Variants in GRM7 observed in about 807,000 individuals in gnomAD.
GRM7 encodes metabotropic glutamate receptor 7.
Under a neutral mutation model 84.5 loss-of-function variants are expected in GRM7, and 35 were observed. The ratio of observed to expected loss-of-function variants is 0.41; its 90% CI spans 0.32 to 0.55. The LOEUF (loss-of-function observed/expected upper bound fraction) is 0.55. Among genes scored for constraint, GRM7 ranks in the 20% least tolerant of loss-of-function variants. The pLI is 0.19. For missense variants in GRM7, 1,003 were observed against 1,194.6 expected (o/e 0.84, Z 2.36); for synonymous variants, 487 against 455.1 (o/e 1.07, Z -0.89).
intron 9 of GRM7, among the ~76,000 whole-genome samples, chr3:7,705,001 A>G (rs1256385388): frequency 6.6e-6 from 1 of 152,178 alleles, no homozygotes; most frequent in Non-Finnish European, 1.5e-5. Context: ...TCAAGACTCC[A>G]GACAAGGCTT....
At chr3:7,019,908 A>G (rs891026465) in intron 1 of GRM7, among the ~76,000 whole-genome samples, 3 of 152,368 alleles carry the variant, frequency 2.0e-5, no homozygotes, top group African/African-American at 7.2e-5. Flanking sequence ...AGGTGGTACA[A>G]TTACTAAAAA....
intron 2 of GRM7, among the ~76,000 whole-genome samples, chr3:7,182,816 T>A (rs953292022): frequency 6.6e-6 from 1 of 151,986 alleles, no homozygotes; most frequent in African/African-American, 2.4e-5. Context: ...AAATAGACTA[T>A]CTCATGAATT....
intron 8 of GRM7, among the ~76,000 whole-genome samples, chr3:7,667,405 C>A (rs554821795): frequency 6.6e-6 from 1 of 152,136 alleles, no homozygotes; most frequent in Non-Finnish European, 1.5e-5. Flanking sequence ...TCTGAGTACA[C>A]TATGTAGGAG....
chr3:7,097,293 G>A (rs1006645334), intron 1 of GRM7, among the ~76,000 whole-genome samples: 2 of 152,072 alleles, frequency 1.3e-5, no homozygotes, highest in African/African-American at 4.8e-5. Flanking sequence ...ACCAGAAAAT[G>A]GCTAGTGCTG....
intron 8 of GRM7, among the ~76,000 whole-genome samples, chr3:7,622,598 G>A (rs1035611800): frequency 6.6e-6 from 1 of 152,050 alleles, no homozygotes; most frequent in African/African-American, 2.4e-5. Flanking sequence ...CGGTGGAATT[G>A]ACATATTTTC....
intron 1 of GRM7, among the ~76,000 whole-genome samples, chr3:6,868,737 G>C (rs1695019349): frequency 6.6e-6 from 1 of 152,168 alleles, no homozygotes; most frequent in Non-Finnish European, 1.5e-5. Context: ...AAGTCAAGTT[G>C]ATAGAGCACA....
intron 7 of GRM7, among the ~76,000 whole-genome samples, chr3:7,529,026 G>A (rs546142243): frequency 5.1e-4 from 77 of 151,526 alleles, no homozygotes; most frequent in African/African-American, 1.8e-3. Flanking sequence ...TATCTATTAG[G>A]TCTAATTAGT....
chr3:7,199,609 T>C (rs1353031155), intron 2 of GRM7, among the ~76,000 whole-genome samples: 5 of 152,216 alleles, frequency 3.3e-5, no homozygotes, highest in Non-Finnish European at 7.3e-5. Flanking sequence ...TGGAGACATT[T>C]TAAATTGTCA....
chr3:7,130,414 G>A (rs941400342), intron 1 of GRM7, among the ~76,000 whole-genome samples: 3 of 151,936 alleles, frequency 2.0e-5, no homozygotes, highest in Non-Finnish European at 4.4e-5. Context: ...GTGGTGGCAG[G>A]CACCTGTAAT....
chr3:7,116,577 C>T (rs1220192729), intron 1 of GRM7, among the ~76,000 whole-genome samples: 1 of 152,022 alleles, frequency 6.6e-6, no homozygotes, highest in African/African-American at 2.4e-5. Context: ...AAGAAAAAAC[C>T]CATATGATTA....
chr3:6,910,030 A>G (rs1024492954), intron 1 of GRM7, among the ~76,000 whole-genome samples: 1 of 152,134 alleles, frequency 6.6e-6, no homozygotes, highest in Non-Finnish European at 1.5e-5. Flanking sequence ...TTTTATCTAT[A>G]TAAGATACAT....
chr3:7,465,753 G>T (rs1450091), intron 7 of GRM7, among the ~76,000 whole-genome samples: 1 of 151,770 alleles, frequency 6.6e-6, no homozygotes, highest in African/African-American at 2.4e-5. Context: ...TTTCGAGGGC[G>T]GCTTTCTCTG....
At chr3:6,989,559 C>T (rs140866512) in intron 1 of GRM7, among the ~76,000 whole-genome samples, 39 of 152,182 alleles carry the variant, frequency 2.6e-4, no homozygotes, top group Non-Finnish European at 5.0e-4. Context: ...AATTGTCAAT[C>T]CTGATCATAC....
At chr3:7,602,857 G>T (rs910126964) in intron 8 of GRM7, among the ~76,000 whole-genome samples, 1 of 152,144 alleles carries the variant, frequency 6.6e-6, no homozygotes, top group Non-Finnish European at 1.5e-5. Context: ...CCACTGATTA[G>T]TAATTATTTT....
chr3:7,055,717 C>T (rs113344483), intron 1 of GRM7, among the ~76,000 whole-genome samples: 21 of 151,964 alleles, frequency 1.4e-4, no homozygotes, highest in African/African-American at 4.8e-4. Flanking sequence ...GACAGGATTT[C>T]ACCATGTTTG....
At chr3:7,719,779 A>AACACACACAC (rs71043692) in intron 9 of GRM7, among the ~76,000 whole-genome samples, 6,101 of 133,392 alleles carry the variant, frequency 0.046, 180 homozygotes, top group Non-Finnish European at 0.065. Context: ...ACCACTGGGC[A>AACACACACAC]ACACACACAC....
intron 1 of GRM7, among the ~76,000 whole-genome samples, chr3:7,073,855 T>A (rs1379226095): frequency 6.6e-6 from 1 of 151,884 alleles, no homozygotes; most frequent in Non-Finnish European, 1.5e-5. Flanking sequence ...TAAGTAAGCA[T>A]CCTGAGGAAG....
At chr3:7,096,667 C>T (rs59044909) in intron 1 of GRM7, among the ~76,000 whole-genome samples, 3,325 of 152,168 alleles carry the variant, frequency 0.022, 113 homozygotes, top group African/African-American at 0.077. Flanking sequence ...CAGCCCTTGT[C>T]CCCTCTGAGG....
intron 4 of GRM7, among the ~76,000 whole-genome samples, chr3:7,401,420 T>G (rs985589682): frequency 1.3e-5 from 2 of 152,148 alleles, no homozygotes; most frequent in African/African-American, 4.8e-5. Flanking sequence ...TTTATAATGT[T>G]GCCATATGGC....
Sources: allele counts gnomAD v4.1 joint callset (sites outside exome capture counted in the v4.1 genomes callset), GRCh38; gene constraint gnomAD v4.1.1; transcripts MANE v1.5; gene names NCBI Gene and HGNC (gene_info 2026-07-23, HGNC 2026-07-21).